Variants in CRTAC1 observed in about 807,000 individuals in gnomAD.
CRTAC1 encodes cartilage acidic protein 1, also known as acidic secreted protein in cartilage.
CRTAC1 carries 37 observed loss-of-function variants against 67.8 expected under a neutral mutation model. That is an observed-to-expected ratio of 0.55 (90% CI 0.42 to 0.72). The LOEUF is 0.72. Among genes scored for constraint, CRTAC1 ranks in the 30% least tolerant of loss-of-function variants. The probability of loss-of-function intolerance (pLI) is 0.00; values close to 1 mark genes in which losing one functional copy is unlikely to be tolerated. For synonymous variants in CRTAC1, 348 were observed against 371.0 expected (o/e 0.94, Z 0.71); for missense variants, 780 against 931.6 (o/e 0.84, Z 2.12).
intron 1 of CRTAC1, among the ~76,000 whole-genome samples, chr10:98,026,376 C>T (rs917332933): frequency 4.6e-5 from 7 of 152,190 alleles, no homozygotes; most frequent in Non-Finnish European, 1.0e-4. Flanking sequence ...TTTCCTGTTT[C>T]TCATAGTCTA....
chr10:97,901,363 C>T, intron 8 of CRTAC1, 140 bp downstream of exon 8: 1 of 962,664 alleles, frequency 1.0e-6, no homozygotes, highest in Non-Finnish European at 1.5e-6. Flanking sequence ...TCTGTTTCTT[C>T]ATCAGGGGAC....
intron 1 of CRTAC1, among the ~76,000 whole-genome samples, chr10:98,012,014 A>G (rs936788411): frequency 4.6e-5 from 7 of 152,288 alleles, no homozygotes; most frequent in African/African-American, 1.7e-4. Context: ...GTGACTTGGC[A>G]GGTTCCTCAT....
At chr10:98,004,394 C>T (rs920123064) in intron 2 of CRTAC1, among the ~76,000 whole-genome samples, 1 of 152,192 alleles carries the variant, frequency 6.6e-6, no homozygotes, top group African/African-American at 2.4e-5. Flanking sequence ...GACCCTGGAG[C>T]ATACATGGCT....
chr10:97,923,670 C>G (rs921461029), intron 3 of CRTAC1, among the ~76,000 whole-genome samples: 1 of 152,126 alleles, frequency 6.6e-6, no homozygotes, highest in Non-Finnish European at 1.5e-5. Context: ...CTGCAGTGTG[C>G]CCAAGATGAC....
At chr10:98,028,426 A>C (rs758996438) in intron 1 of CRTAC1, among the ~76,000 whole-genome samples, 3 of 152,232 alleles carry the variant, frequency 2.0e-5, no homozygotes, top group Non-Finnish European at 4.4e-5. Context: ...GCACGGAAGC[A>C]AGGGAGCGCT....
chr10:97,908,348 G>A (rs980876281), intron 5 of CRTAC1, among the ~76,000 whole-genome samples: 2 of 152,208 alleles, frequency 1.3e-5, no homozygotes, highest in African/African-American at 4.8e-5. Flanking sequence ...TAACAACACT[G>A]ATGAAGAGGG....
At position 98,030,550 on chromosome 10, in the gene CRTAC1, C is replaced by T; in HGVS notation, c.-78G>A. On this transcript the variant is annotated 5_prime_UTR_variant, in exon 1 of 15. Transcript: ENST00000370597. The surrounding 1 kb of genome is among the most constrained non-coding windows in gnomAD (Gnocchi z 4.2). Reference sequence around the variant, plus strand: ...CCGCCTCTGCCGCCGGCGCCGCCGCCTGCTTGCTCCCAGCCCCGGTCCCGG... The same window carrying T: ...CCGCCTCTGCCGCCGGCGCCGCCGCTTGCTTGCTCCCAGCCCCGGTCCCGG... 3 of 1,044,060 alleles carry T rather than the reference C, an allele frequency of 2.9e-6. No individual in the cohort carries two copies. The highest frequency in any genetic ancestry group is 3.7e-6 in the Non-Finnish European group (3 of 810,458). The allele number at this position is 1,044,060 out of a possible 1,614,324, so 64.7% of individuals were successfully genotyped here. A position where few individuals can be genotyped will look rare whatever the true frequency, so the allele number is the denominator to read the frequency against.
At chr10:97,999,336 G>T (rs1842644752) in intron 2 of CRTAC1, among the ~76,000 whole-genome samples, 1 of 152,236 alleles carries the variant, frequency 6.6e-6, no homozygotes, top group Non-Finnish European at 1.5e-5. Flanking sequence ...CTGCCCCTGA[G>T]ACCTGGCTTC....
In CRTAC1 at chr10:98,029,272, C is replaced by G. The variant is rs1843307272; in HGVS notation, c.24+1177G>C. ...CCAAATCTCCGTCAATCGCTTATCT[C>G]TTCCCACATGAGTTCTCCCCTGACT... On this transcript the variant is annotated intron_variant, in intron 1 of 14. Transcript: ENST00000370597. The surrounding 1 kb of genome is among the most constrained non-coding windows in gnomAD (Gnocchi z 4.7). Among the ~76,000 whole-genome samples, 2 of 152,162 alleles carry G rather than the reference C, an allele frequency of 1.3e-5. No individual in the cohort carries two copies. Among genetic ancestry groups the G allele is most frequent in the Admixed American group, 1.3e-4 (2 of 15,278 alleles).
At chr10:97,950,341 A>G (rs2051335910) in intron 2 of CRTAC1, among the ~76,000 whole-genome samples, 1 of 150,940 alleles carries the variant, frequency 6.6e-6, no homozygotes, top group Admixed American at 6.6e-5. Context: ...GGGGAGCCCT[A>G]GGTCTTCCAC....
chr10:97,999,864 GC>G (rs1236564022), intron 2 of CRTAC1, among the ~76,000 whole-genome samples: 3 of 152,148 alleles, frequency 2.0e-5, no homozygotes, highest in African/African-American at 7.2e-5. Flanking sequence ...CCACTCCAGG[GC>G]CCCCTCACTG....
rs759278876 is a variant in CRTAC1, at chr10:97,895,226, C to T, written c.1486+19G>A. 12 of 1,604,496 alleles carry T rather than the reference C, an allele frequency of 7.5e-6. No homozygotes were observed. In the African/African-American group the frequency reaches 1.6e-4, roughly 21 times the overall value. On this transcript the variant is annotated intron_variant, in intron 11 of 14. Coordinates refer to ENST00000370597, the MANE Select transcript of CRTAC1 (RefSeq NM_018058.7). This position sits in a 1 kb window ranked among gnomAD's most constrained non-coding sequence, Gnocchi z 4.2. Reference sequence around the variant, plus strand: ...CATCCTGATAACAGCTCACTGTCCCCCACCGGACCCCGACTCACCCAGGCC... The same window carrying T: ...CATCCTGATAACAGCTCACTGTCCCTCACCGGACCCCGACTCACCCAGGCC...
intron 1 of CRTAC1, among the ~76,000 whole-genome samples, chr10:98,016,674 G>A (rs761525475): frequency 7.9e-5 from 12 of 152,146 alleles, no homozygotes; most frequent in Admixed American, 6.5e-5. Context: ...GTCTGAGGTG[G>A]GAGTTTGAGT....
intron 2 of CRTAC1, among the ~76,000 whole-genome samples, chr10:97,949,567 G>A (rs113358758): frequency 1.3e-5 from 2 of 152,262 alleles, no homozygotes; most frequent in Non-Finnish European, 2.9e-5. Context: ...GGTGGCAGAA[G>A]CATCTGCTCT....
At chr10:97,890,211 G>GC (rs1255223375) in intron 11 of CRTAC1, among the ~76,000 whole-genome samples, 1 of 152,052 alleles carries the variant, frequency 6.6e-6, no homozygotes, top group African/African-American at 2.4e-5. Flanking sequence ...CAAACTCCTG[G>GC]CCTTGAGCGA....
At chr10:97,923,578 T>A (rs1244831671) in intron 3 of CRTAC1, among the ~76,000 whole-genome samples, 178 bp from the exon 4 acceptor site, 2 of 152,132 alleles carry the variant, frequency 1.3e-5, no homozygotes, top group Non-Finnish European at 2.9e-5. Context: ...AGCACTCACA[T>A]GTTTCCAGTT....
Position 98,030,445 on chromosome 10 carries a change from T to C in CRTAC1, c.24+4A>G. ...GGGTGGGGGGCACCGGTGCAGATAC[T>C]CACGCCGGGGTCAGCGCTCGGAGCC... On this transcript the variant is annotated splice_donor_region_variant and intron_variant, in intron 1 of 14. Coordinates refer to ENST00000370597, the MANE Select transcript of CRTAC1 (RefSeq NM_018058.7). The surrounding 1 kb of genome is among the most constrained non-coding windows in gnomAD (Gnocchi z 4.2). 5 of 1,250,648 alleles carry C rather than the reference T, an allele frequency of 4.0e-6. No individual in the cohort carries two copies. The highest frequency in any genetic ancestry group is 5.1e-6 in the Non-Finnish European group (5 of 989,552). The allele number at this position is 1,250,648 out of a possible 1,614,324, so 77.5% of individuals were successfully genotyped here.
chr10:97,990,865 G>C (rs1156661449), intron 2 of CRTAC1, among the ~76,000 whole-genome samples: 1 of 152,056 alleles, frequency 6.6e-6, no homozygotes, highest in Non-Finnish European at 1.5e-5. Context: ...TAAAATACAA[G>C]ATAACTTATT....
intron 11 of CRTAC1, among the ~76,000 whole-genome samples, chr10:97,888,258 C>T (rs914101659): frequency 6.6e-6 from 1 of 152,302 alleles, no homozygotes; most frequent in South Asian, 2.1e-4. Context: ...TGGGAAAGTG[C>T]CACAACAGCA....
Sources: allele counts gnomAD v4.1 joint callset (sites outside exome capture counted in the v4.1 genomes callset), GRCh38; gene constraint gnomAD v4.1.1; non-coding constraint Gnocchi (gnomAD v3.1); transcripts MANE v1.5; gene names NCBI Gene and HGNC (gene_info 2026-07-23, HGNC 2026-07-21).